Variants in CHD7 observed in about 807,000 individuals in gnomAD.
CHD7 encodes chromodomain helicase DNA binding protein 7.
In CHD7, 24 loss-of-function variants were observed where a neutral mutation model predicts 307.3. That is an observed-to-expected ratio of 0.08 (90% CI 0.06 to 0.11). The LOEUF (loss-of-function observed/expected upper bound fraction) is 0.11, where lower values mean the gene tolerates loss of function less well. Ranked by LOEUF, CHD7 falls within the 10% of genes least tolerant of loss-of-function variation. The pLI, the probability that CHD7 is intolerant of heterozygous loss-of-function variation, is 1.00. For missense variants in CHD7, 3,106 were observed against 3,727.1 expected, an observed-to-expected ratio of 0.83 and a Z score of 4.34; for synonymous variants, 1,363 against 1,349.9, an observed-to-expected ratio of 1.01 and a Z score of -0.21.
intron 2 of CHD7, among the ~76,000 whole-genome samples, chr8:60,779,611 A>G (rs1296772439): frequency 2.6e-5 from 4 of 152,178 alleles, no homozygotes; most frequent in Non-Finnish European, 4.4e-5. Flanking sequence ...TATTAGGTGT[A>G]TTGGAATCGA....
intron 2 of CHD7, among the ~76,000 whole-genome samples, chr8:60,770,115 C>A (rs191342054): frequency 1.3e-5 from 2 of 152,294 alleles, no homozygotes; most frequent in East Asian, 3.9e-4. Flanking sequence ...CTAACCACTG[C>A]GTACATACAC....
At chr8:60,745,959 C>T (rs935125002) in intron 2 of CHD7, among the ~76,000 whole-genome samples, 10 of 152,224 alleles carry the variant, frequency 6.6e-5, no homozygotes, top group Non-Finnish European at 1.2e-4. Flanking sequence ...CTAATTTTAG[C>T]TTCTGATCTC....
At chr8:60,792,237 T>A (rs1001186761) in intron 3 of CHD7, among the ~76,000 whole-genome samples, 3 of 152,184 alleles carry the variant, frequency 2.0e-5, no homozygotes, top group African/African-American at 7.2e-5. Context: ...AAAAGAAAAA[T>A]CTTGACTTGG....
chr8:60,687,572 C>A (rs1805971306), intron 1 of CHD7, among the ~76,000 whole-genome samples: 1 of 152,044 alleles, frequency 6.6e-6, no homozygotes, highest in South Asian at 2.1e-4. Context: ...AACAGTGTAC[C>A]CCACCCTGAA....
intron 2 of CHD7, among the ~76,000 whole-genome samples, chr8:60,743,598 T>C (rs749796048): frequency 6.6e-6 from 1 of 152,226 alleles, no homozygotes; most frequent in Admixed American, 6.5e-5. Context: ...CTGTTGACTT[T>C]GTTAGTGTGA....
intron 1 of CHD7, among the ~76,000 whole-genome samples, chr8:60,723,169 G>C (rs182252322): frequency 6.6e-6 from 1 of 152,026 alleles, no homozygotes; most frequent in East Asian, 1.9e-4. Flanking sequence ...TTAAGTATCA[G>C]AAAACTGTCA....
intron 1 of CHD7, among the ~76,000 whole-genome samples, chr8:60,738,863 G>A (rs977878704): frequency 1.1e-4 from 17 of 152,138 alleles, no homozygotes; most frequent in Admixed American, 5.2e-4. Flanking sequence ...TTTTTCAAGC[G>A]TCTGGGAGAT....
At position 60,800,586 on chromosome 8, in the gene CHD7, G is replaced by A. The variant is rs1025628656; in HGVS notation, c.2376+61G>A. The A allele has an allele frequency of 2.1e-5, 28 of 1,343,882 alleles. No individual in the cohort carries two copies. The African/African-American group carries it at 4.1e-4, about 20-fold the overall frequency. 83.2% of individuals were successfully genotyped at this position (1,343,882 alleles called of 1,614,324 possible). On this transcript the variant is annotated intron_variant, in intron 5 of 37. Transcript: ENST00000423902. ...TTAAAGATGGACTAGAAATTTCATT[G>A]CTGCAATCTGAGAAGTGCAGTGGAA...
At chr8:60,712,897 A>C (rs1807353630) in intron 1 of CHD7, among the ~76,000 whole-genome samples, 1 of 151,892 alleles carries the variant, frequency 6.6e-6, no homozygotes, top group African/African-American at 2.4e-5. Context: ...TAAAAATACA[A>C]AAAAGTAGCT....
At chr8:60,775,924 A>AT (rs1200289661) in intron 2 of CHD7, among the ~76,000 whole-genome samples, 2 of 142,590 alleles carry the variant, frequency 1.4e-5, no homozygotes, top group African/African-American at 2.9e-5. Flanking sequence ...CGCCCGGCTA[A>AT]TTTTTTGTAT....
chr8:60,803,866 T>C (rs568659096), intron 6 of CHD7, among the ~76,000 whole-genome samples: 1 of 152,250 alleles, frequency 6.6e-6, no homozygotes, highest in Non-Finnish European at 1.5e-5. Context: ...CCTGCTGGTC[T>C]GTTTCTTATT....
At chr8:60,761,922 A>T (rs1464532181) in intron 2 of CHD7, among the ~76,000 whole-genome samples, 1 of 152,168 alleles carries the variant, frequency 6.6e-6, no homozygotes, top group Non-Finnish European at 1.5e-5. Flanking sequence ...CTTCTAGAGA[A>T]CTGGGCCCAC....
intron 2 of CHD7, among the ~76,000 whole-genome samples, chr8:60,750,548 A>T (rs1809590310): frequency 6.6e-6 from 1 of 152,262 alleles, no homozygotes; most frequent in Non-Finnish European, 1.5e-5. Flanking sequence ...TCTGGTAACC[A>T]CATTTTACCA....
chr8:60,777,972 C>T (rs2150662347), intron 2 of CHD7, among the ~76,000 whole-genome samples: 1 of 152,160 alleles, frequency 6.6e-6, no homozygotes, highest in East Asian at 1.9e-4. Context: ...TTAGGAATGC[C>T]CTACATGGTA....
chr8:60,759,457 C>G (rs1268008233), intron 2 of CHD7, among the ~76,000 whole-genome samples: 1 of 150,268 alleles, frequency 6.7e-6, no homozygotes, highest in Non-Finnish European at 1.5e-5. Context: ...CCCTCTCTCT[C>G]TCCCTCCCTC....
At chr8:60,732,192 A>C (rs2150563431) in intron 1 of CHD7, among the ~76,000 whole-genome samples, 1 of 152,318 alleles carries the variant, frequency 6.6e-6, no homozygotes. Flanking sequence ...ACCAGGCAGG[A>C]TTCAGTACAC....
chr8:60,823,320 A>G (rs1347360336), intron 12 of CHD7, among the ~76,000 whole-genome samples: 1 of 152,120 alleles, frequency 6.6e-6, no homozygotes, highest in Admixed American at 6.6e-5. Context: ...TATGTACTAA[A>G]ATAGTTTTAT....
intron 2 of CHD7, among the ~76,000 whole-genome samples, chr8:60,751,770 G>A (rs551950796): frequency 1.3e-5 from 2 of 152,220 alleles, no homozygotes; most frequent in African/African-American, 4.8e-5. Context: ...GACTGCAGGA[G>A]TGGTGGAGGG....
intron 7 of CHD7, among the ~76,000 whole-genome samples, chr8:60,814,522 T>C (rs914230684): frequency 1.2e-4 from 18 of 152,202 alleles, no homozygotes; most frequent in Non-Finnish European, 8.8e-5. Flanking sequence ...CTCAGCTCAC[T>C]GCAACCTCCA....
Sources: allele counts gnomAD v4.1 joint callset (sites outside exome capture counted in the v4.1 genomes callset), GRCh38; gene constraint gnomAD v4.1.1; transcripts MANE v1.5; gene names NCBI Gene and HGNC (gene_info 2026-07-23, HGNC 2026-07-21).